Variants in SLC25A21 observed in about 807,000 individuals in gnomAD.
The protein encoded by SLC25A21 is solute carrier family 25 member 21.
In SLC25A21, 47 loss-of-function variants were observed where a neutral mutation model predicts 43.8. The observed-to-expected ratio is 1.07, with a 90% CI of 0.85 to 1.37. SLC25A21 has a LOEUF of 1.37. SLC25A21 is among the 40% of genes most tolerant of loss of function. The probability of loss-of-function intolerance (pLI) is 0.00; values close to 1 mark genes in which losing one functional copy is unlikely to be tolerated. For missense variants in SLC25A21, 352 were observed against 350.2 expected, an observed-to-expected ratio of 1.00 and a Z score of -0.04; for synonymous variants, 131 against 121.3, an observed-to-expected ratio of 1.08 and a Z score of -0.52.
intron 1 of SLC25A21, among the ~76,000 whole-genome samples, chr14:37,058,353 G>A (rs1039610554): frequency 6.6e-6 from 1 of 152,158 alleles, no homozygotes; most frequent in Non-Finnish European, 1.5e-5. Flanking sequence ...CAACTCATTT[G>A]ACACATCTGT....
At chr14:37,076,143 G>T (rs973344981) in intron 1 of SLC25A21, among the ~76,000 whole-genome samples, 2 of 152,138 alleles carry the variant, frequency 1.3e-5, no homozygotes, top group African/African-American at 4.8e-5. Context: ...AGGCCACATT[G>T]TAAGACTTCT....
chr14:36,962,009 C>T (rs1959504266), intron 1 of SLC25A21, among the ~76,000 whole-genome samples: 1 of 152,316 alleles, frequency 6.6e-6, no homozygotes, highest in Middle Eastern at 3.4e-3. Context: ...TGCATTGCCA[C>T]AGCTCCAGTC....
At chr14:37,168,362 T>C (rs1942462788) in intron 1 of SLC25A21, among the ~76,000 whole-genome samples, 1 of 152,188 alleles carries the variant, frequency 6.6e-6, no homozygotes, top group African/African-American at 2.4e-5. Context: ...TGATGTGTAA[T>C]GTATTGTCCA....
chr14:36,779,604 G>GTATATATA (rs1346791998), intron 3 of SLC25A21, among the ~76,000 whole-genome samples: 2 of 51,878 alleles, frequency 3.9e-5, no homozygotes, highest in Non-Finnish European at 8.2e-5. Context: ...ATGTATATGT[G>GTATATATA]TATACATATA....
intron 2 of SLC25A21, among the ~76,000 whole-genome samples, chr14:36,818,571 T>G (rs1466457342): frequency 6.6e-6 from 1 of 152,192 alleles, no homozygotes; most frequent in South Asian, 2.1e-4. Context: ...GCAAGAACAG[T>G]TGTCTCTTCT....
chr14:36,949,862 A>G (rs575710611), intron 1 of SLC25A21, among the ~76,000 whole-genome samples: 2 of 152,348 alleles, frequency 1.3e-5, no homozygotes, highest in South Asian at 2.1e-4. Flanking sequence ...CAAATAGACA[A>G]CAATGGGTTT....
At chr14:36,927,241 C>T (rs1256405395) in intron 1 of SLC25A21, among the ~76,000 whole-genome samples, 1 of 152,146 alleles carries the variant, frequency 6.6e-6, no homozygotes, top group East Asian at 1.9e-4. Context: ...GGCAAAGGTA[C>T]AAGAACCCTA....
At chr14:36,958,182 C>T (rs984081073) in intron 1 of SLC25A21, among the ~76,000 whole-genome samples, 1 of 151,828 alleles carries the variant, frequency 6.6e-6, no homozygotes, top group Non-Finnish European at 1.5e-5. Flanking sequence ...ACAAGCCTGC[C>T]ACTGCCTCCA....
chr14:36,866,429 TG>T (rs1890215870), intron 2 of SLC25A21, among the ~76,000 whole-genome samples: 1 of 152,182 alleles, frequency 6.6e-6, no homozygotes, highest in Non-Finnish European at 1.5e-5. Context: ...TGAAGCACAA[TG>T]GGCCATTTCC....
At chr14:37,160,750 T>C (rs2138947869) in intron 1 of SLC25A21, among the ~76,000 whole-genome samples, 1 of 151,952 alleles carries the variant, frequency 6.6e-6, no homozygotes, top group African/African-American at 2.4e-5. Context: ...GCCAACATGG[T>C]GAAACCCTGT....
intron 1 of SLC25A21, among the ~76,000 whole-genome samples, chr14:37,164,260 G>T (rs7143172): frequency 0.11 from 16,842 of 152,034 alleles, 2,273 homozygotes; most frequent in African/African-American, 0.32. Context: ...AGAGAGACAA[G>T]ATTACATTTT....
intron 1 of SLC25A21, among the ~76,000 whole-genome samples, chr14:37,058,403 T>C (rs1319336740): frequency 6.6e-6 from 1 of 152,232 alleles, no homozygotes; most frequent in African/African-American, 2.4e-5. Flanking sequence ...TGGCAATCTT[T>C]GTTTTATATC....
At chr14:36,990,173 C>T (rs1305208887) in intron 1 of SLC25A21, among the ~76,000 whole-genome samples, 1 of 152,148 alleles carries the variant, frequency 6.6e-6, no homozygotes, top group African/African-American at 2.4e-5. Flanking sequence ...CCTGAGATTC[C>T]AGGCTGGAAA....
chr14:36,911,364 C>T (rs924907026), intron 1 of SLC25A21, among the ~76,000 whole-genome samples: 18 of 152,268 alleles, frequency 1.2e-4, no homozygotes, highest in Admixed American at 1.2e-3. Flanking sequence ...CCCAAGGTCA[C>T]AGAGCCATTA....
At chr14:36,964,088 T>C (rs1029117765) in intron 1 of SLC25A21, among the ~76,000 whole-genome samples, 6 of 152,208 alleles carry the variant, frequency 3.9e-5, no homozygotes, top group Admixed American at 1.3e-4. Flanking sequence ...TAAATGAATA[T>C]AGTTTTATTA....
intron 1 of SLC25A21, among the ~76,000 whole-genome samples, chr14:36,888,973 A>G (rs1228745085): frequency 6.6e-6 from 1 of 152,216 alleles, no homozygotes; most frequent in Non-Finnish European, 1.5e-5. Context: ...CGTTTAATTA[A>G]TCACGCTGCT....
intron 3 of SLC25A21, among the ~76,000 whole-genome samples, chr14:36,769,714 T>C (rs1362083502): frequency 2.0e-5 from 3 of 152,244 alleles, no homozygotes; most frequent in African/African-American, 7.2e-5. Context: ...GACTCATATT[T>C]TTCCTACAAA....
At chr14:37,156,691 T>G (rs944899089) in intron 1 of SLC25A21, among the ~76,000 whole-genome samples, 12 of 150,782 alleles carry the variant, frequency 8.0e-5, no homozygotes, top group Non-Finnish European at 1.3e-4. Context: ...AAGATGGTCA[T>G]TATGTAATGA....
intron 2 of SLC25A21, among the ~76,000 whole-genome samples, chr14:36,818,981 A>C (rs573421341): frequency 6.6e-6 from 1 of 152,180 alleles, no homozygotes; most frequent in African/African-American, 2.4e-5. Flanking sequence ...GGACTTCTCC[A>C]TTGTCCTAAT....
Sources: gnomAD v4.1 joint callset for allele counts (sites outside exome capture counted in the v4.1 genomes callset) on GRCh38, gnomAD v4.1.1 for gene constraint, MANE v1.5 for transcripts, NCBI Gene and HGNC (gene_info 2026-07-23, HGNC 2026-07-21) for gene names.